NXPH1: variants seen among roughly 807,000 people sequenced by gnomAD.
The protein encoded by NXPH1 is neurexophilin 1.
Under a neutral mutation model 23.7 loss-of-function variants are expected in NXPH1, and 5 were observed. The ratio of observed to expected loss-of-function variants is 0.21; its 90% CI spans 0.11 to 0.44. The LOEUF (loss-of-function observed/expected upper bound fraction) is 0.44. NXPH1 is among the 20% of genes least tolerant of loss of function. NXPH1 has a pLI of 0.99. For synonymous variants in NXPH1, 144 were observed against 122.2 expected (o/e 1.18, Z -1.18); for missense variants, 324 against 321.6 (o/e 1.01, Z -0.06).
intron 2 of NXPH1, among the ~76,000 whole-genome samples, chr7:8,658,480 A>T (rs1820616447): frequency 6.6e-6 from 1 of 152,244 alleles, no homozygotes; most frequent in South Asian, 2.1e-4. Flanking sequence ...ACCAGGCTCC[A>T]AGGAAACTTG....
intron 2 of NXPH1, among the ~76,000 whole-genome samples, chr7:8,592,642 T>G (rs1819122634): frequency 6.6e-6 from 1 of 152,160 alleles, no homozygotes; most frequent in African/African-American, 2.4e-5. Context: ...ATGGGCCAGA[T>G]AGTAAATATT....
chr7:8,472,830 G>C (rs181190271), intron 2 of NXPH1, among the ~76,000 whole-genome samples: 4 of 152,286 alleles, frequency 2.6e-5, no homozygotes, highest in Admixed American at 2.6e-4. Context: ...GAAAGATCTA[G>C]ACTAAACAAG....
chr7:8,540,685 T>C (rs1289142580), intron 2 of NXPH1, among the ~76,000 whole-genome samples: 1 of 151,758 alleles, frequency 6.6e-6, no homozygotes, highest in East Asian at 1.9e-4. Context: ...GAATAATAAT[T>C]ACCATGTAAA....
At chr7:8,457,555 T>TTTA (rs372448713) in intron 2 of NXPH1, among the ~76,000 whole-genome samples, 1 of 150,544 alleles carries the variant, frequency 6.6e-6, no homozygotes, top group African/African-American at 2.5e-5. Flanking sequence ...TTTTTTTTTT[T>TTTA]AATTTTATTA....
chr7:8,547,867 T>C (rs892786165), intron 2 of NXPH1, among the ~76,000 whole-genome samples: 4 of 151,520 alleles, frequency 2.6e-5, no homozygotes, highest in Admixed American at 1.3e-4. Flanking sequence ...ATGGTATATA[T>C]ATGAATTTAT....
At chr7:8,436,657 T>C (rs1454012648) in intron 2 of NXPH1, among the ~76,000 whole-genome samples, 1 of 152,180 alleles carries the variant, frequency 6.6e-6, no homozygotes, top group African/African-American at 2.4e-5. Flanking sequence ...TAAGGGACAC[T>C]TGTGCCCTGC....
intron 2 of NXPH1, among the ~76,000 whole-genome samples, chr7:8,704,092 A>G (rs1779668385): frequency 6.6e-6 from 1 of 152,308 alleles, no homozygotes; most frequent in South Asian, 2.1e-4. Flanking sequence ...ATATAGCATA[A>G]GGTTAAACTT....
chr7:8,730,928 C>A (rs1780142071), intron 2 of NXPH1, among the ~76,000 whole-genome samples: 1 of 150,654 alleles, frequency 6.6e-6, no homozygotes, highest in African/African-American at 2.5e-5. Context: ...TAATATCCTG[C>A]AGAGTGTTTT....
chr7:8,508,489 A>G (rs1035402621), intron 2 of NXPH1, among the ~76,000 whole-genome samples: 1 of 152,264 alleles, frequency 6.6e-6, no homozygotes, highest in Non-Finnish European at 1.5e-5. Flanking sequence ...TCATTCAGTG[A>G]AAGCTATATT....
chr7:8,566,348 T>C (rs1433811553), intron 2 of NXPH1, among the ~76,000 whole-genome samples: 1 of 151,846 alleles, frequency 6.6e-6, no homozygotes, highest in Non-Finnish European at 1.5e-5. Context: ...ACTATGATGA[T>C]TAATTTTAAA....
chr7:8,467,955 T>G (rs1816811926), intron 2 of NXPH1, among the ~76,000 whole-genome samples: 1 of 152,148 alleles, frequency 6.6e-6, no homozygotes. Flanking sequence ...TCTGTAGGAA[T>G]GCCTGTAATT....
intron 2 of NXPH1, among the ~76,000 whole-genome samples, chr7:8,466,604 A>G (rs568976513): frequency 1.4e-4 from 22 of 152,226 alleles, no homozygotes; most frequent in African/African-American, 5.1e-4. Context: ...AAATTAACGT[A>G]TTCTTAGTTT....
chr7:8,532,715 C>T (rs191434118), intron 2 of NXPH1, among the ~76,000 whole-genome samples: 1 of 152,062 alleles, frequency 6.6e-6, no homozygotes, highest in Non-Finnish European at 1.5e-5. Context: ...GTCCTCAGAC[C>T]GTAGCGTCAT....
At chr7:8,617,984 A>C (rs2115119592) in intron 2 of NXPH1, among the ~76,000 whole-genome samples, 2 of 152,240 alleles carry the variant, frequency 1.3e-5, no homozygotes, top group South Asian at 4.1e-4. Context: ...ATGTAACCCA[A>C]AATATATACA....
At chr7:8,688,898 GA>G (rs1821186588) in intron 2 of NXPH1, among the ~76,000 whole-genome samples, 1 of 152,132 alleles carries the variant, frequency 6.6e-6, no homozygotes, top group Admixed American at 6.6e-5. Flanking sequence ...GGTGCTCTTG[GA>G]TACTGTATTG....
At chr7:8,641,425 A>T (rs1820309435) in intron 2 of NXPH1, among the ~76,000 whole-genome samples, 1 of 152,102 alleles carries the variant, frequency 6.6e-6, no homozygotes. Flanking sequence ...CTACTACAGA[A>T]ATTGGCATGT....
intron 2 of NXPH1, among the ~76,000 whole-genome samples, chr7:8,722,038 G>A (rs1447685925): frequency 6.6e-6 from 1 of 152,092 alleles, no homozygotes; most frequent in Non-Finnish European, 1.5e-5. Context: ...GCTTGTAGCA[G>A]GAGAGAACCT....
At chr7:8,630,720 T>C (rs780855787) in intron 2 of NXPH1, among the ~76,000 whole-genome samples, 1 of 152,198 alleles carries the variant, frequency 6.6e-6, no homozygotes, top group Non-Finnish European at 1.5e-5. Context: ...AGATTATGCA[T>C]AATTTGACTT....
At chr7:8,675,482 A>T (rs1820937461) in intron 2 of NXPH1, among the ~76,000 whole-genome samples, 1 of 152,076 alleles carries the variant, frequency 6.6e-6, no homozygotes, top group African/African-American at 2.4e-5. Flanking sequence ...CTTAAAGTTG[A>T]TGATGCGTTT....
Sources: gnomAD v4.1 joint callset for allele counts (sites outside exome capture counted in the v4.1 genomes callset) on GRCh38, gnomAD v4.1.1 for gene constraint, MANE v1.5 for transcripts, NCBI Gene and HGNC (gene_info 2026-07-23, HGNC 2026-07-21) for gene names.